GNG10: variants seen among roughly 807,000 people sequenced by gnomAD.
The protein encoded by GNG10 is guanine nucleotide-binding protein G(I)/G(S)/G(O) subunit gamma-10.
In GNG10, 7 loss-of-function variants were observed where a neutral mutation model predicts 6.8. The ratio of observed to expected loss-of-function variants is 1.02; its 90% CI spans 0.58 to 1.92. GNG10 has a LOEUF of 1.92. Ranked by LOEUF, GNG10 falls within the 30% of genes most tolerant of loss-of-function variation. The pLI is 0.00. For missense variants in GNG10, 57 were observed against 86.1 expected (o/e 0.66, Z 1.34); for synonymous variants, 28 against 34.8 (o/e 0.80, Z 0.69).
intron 2 of GNG10, among the ~76,000 whole-genome samples, chr9:111,667,733 C>T (rs558863507): frequency 5.3e-5 from 8 of 152,120 alleles, no homozygotes; most frequent in Non-Finnish European, 1.2e-4. Context: ...AGAAATATAG[C>T]TATTGGGAAA....
At position 111,661,846 on chromosome 9, in the gene GNG10, G is replaced by T; in HGVS notation, c.81+131G>T. On this transcript the variant is annotated intron_variant, in intron 1 of 2. Transcript: ENST00000374293. The surrounding 1 kb of genome is among the most constrained non-coding windows in gnomAD (Gnocchi z 6.1). ...CGAGGCCTCGGCGGGGCGCGGGGGC[G>T]GTGGGGTCCGCGGTGAGGGAGGGCG... 1 of 348,350 alleles carries T rather than the reference G, an allele frequency of 2.9e-6. No homozygotes were observed. Among genetic ancestry groups the T allele is most frequent in the Non-Finnish European group, 4.5e-6 (1 of 219,924 alleles). The allele number at this position is 348,350 out of a possible 1,614,324, so 21.6% of individuals were successfully genotyped here.
At chr9:111,663,195 G>A (rs2131279133) in intron 1 of GNG10, among the ~76,000 whole-genome samples, 1 of 152,296 alleles carries the variant, frequency 6.6e-6, no homozygotes, top group Admixed American at 6.5e-5. Flanking sequence ...TAAGGGAGTG[G>A]CCCCTGAGCA....
At chr9:111,666,990 C>T in intron 2 of GNG10, 44 bp downstream of exon 2, 1 of 1,597,486 alleles carries the variant, frequency 6.3e-7, no homozygotes, top group South Asian at 1.1e-5. Flanking sequence ...ATAGCATTAT[C>T]ACAGGGCTTC....
At chr9:111,663,549 A>G (rs1260239175) in intron 1 of GNG10, among the ~76,000 whole-genome samples, 1 of 151,804 alleles carries the variant, frequency 6.6e-6, no homozygotes, top group Non-Finnish European at 1.5e-5. Context: ...AGGAAGAATA[A>G]AGGAGGCAGC....
In GNG10 at chr9:111,661,693, A is replaced by G. The variant is rs1830820415; in HGVS notation, c.59A>G (p.Glu20Gly). 1.4e-6 allele frequency: 2 copies of G among 1,382,138 alleles called. No individual in the cohort carries two copies. Among genetic ancestry groups the G allele is most frequent in the South Asian group, 2.9e-5 (2 of 68,272 alleles). 85.6% of individuals were successfully genotyped at this position (1,382,138 alleles called of 1,614,324 possible). The change falls in exon 1 of 3, where the codon GAG becomes GGG. Residue 20 changes from glutamate to glycine, a missense_variant. Physicochemically the swap from Glu to Gly is moderately conservative, Grantham distance 98 (BLOSUM62 -2). Coordinates refer to ENST00000374293, the MANE Select transcript of GNG10 (RefSeq NM_001017998.4). This position sits in a 1 kb window ranked among gnomAD's most constrained non-coding sequence, Gnocchi z 6.1. ...LQRLVEQLKLEAGVERIKVSQ... is the reference protein window; with the variant it reads ...LQRLVEQLKLGAGVERIKVSQ... ...CGCTTGGTAGAGCAGCTCAAGTTGG[A>G]GGCTGGCGTGGAGAGGATCAAGGTG...
At chr9:111,665,893 A>ATT (rs571066443) in intron 1 of GNG10, among the ~76,000 whole-genome samples, 4,852 of 121,812 alleles carry the variant, frequency 0.04, 294 homozygotes, top group African/African-American at 0.12. Context: ...CACCCGGTTA[A>ATT]TTTTTTTTTT....
At chr9:111,664,262 CTCATGGAAGTATGA>C (rs1467533856) in intron 1 of GNG10, among the ~76,000 whole-genome samples, 1 of 152,156 alleles carries the variant, frequency 6.6e-6, no homozygotes, top group Non-Finnish European at 1.5e-5. Context: ...AAGAGGTGCG[CTCATGGAAGTATGA>C]TCTGGGGTAC....
At chr9:111,662,595 A>C (rs1388074392) in intron 1 of GNG10, among the ~76,000 whole-genome samples, 1 of 152,236 alleles carries the variant, frequency 6.6e-6, no homozygotes, top group Non-Finnish European at 1.5e-5. Flanking sequence ...TATTTGCAGA[A>C]GATCTGTAAG....
chr9:111,665,893 A>ATTTT (rs571066443), intron 1 of GNG10, among the ~76,000 whole-genome samples: 45 of 121,860 alleles, frequency 3.7e-4, no homozygotes, highest in African/African-American at 1.4e-3. Context: ...CACCCGGTTA[A>ATTTT]TTTTTTTTTT....
rs1474729722 is a variant in GNG10, at chr9:111,666,847, C to A, written c.114C>A (p.Tyr38Ter). Residue 38 changes from tyrosine to a stop codon, truncating the protein, a stop_gained, in exon 2 of 3, where the codon TAC becomes TAA. Coordinates refer to ENST00000374293, the MANE Select transcript of GNG10 (RefSeq NM_001017998.4). LOFTEE classifies it high-confidence loss of function. ...VSQAAAELQQ[Y>*]CMQNACKDAL... ...AGGCAGCTGCAGAGCTTCAACAGTACTGTATGCAGAATGCCTGCAAGGATG... is the reference window on the plus strand; with the variant it reads ...AGGCAGCTGCAGAGCTTCAACAGTAATGTATGCAGAATGCCTGCAAGGATG... The A allele has an allele frequency of 6.2e-7, 1 of 1,613,456 alleles. No individual in the cohort carries two copies. The highest frequency in any genetic ancestry group is 8.5e-7 in the Non-Finnish European group (1 of 1,179,850).
chr9:111,662,022 C>A (rs1218900596), intron 1 of GNG10, among the ~76,000 whole-genome samples: 1 of 151,546 alleles, frequency 6.6e-6, no homozygotes, highest in African/African-American at 2.4e-5. Flanking sequence ...CGGCGACGCG[C>A]GGGCCGGGAG....
At chr9:111,667,875 G>A (rs962219059) in intron 2 of GNG10, among the ~76,000 whole-genome samples, 6 of 151,892 alleles carry the variant, frequency 4.0e-5, no homozygotes, top group African/African-American at 7.3e-5. Context: ...CCCCCTCATC[G>A]CCGAGACATC....
At chr9:111,668,362 A>G (rs1437700507) in intron 2 of GNG10, among the ~76,000 whole-genome samples, 1 of 151,998 alleles carries the variant, frequency 6.6e-6, no homozygotes, top group Middle Eastern at 3.2e-3. Flanking sequence ...AAATGTTCAT[A>G]TTTATGGTGT....
chr9:111,666,915 A>G lies in GNG10; in HGVS notation c.182A>G (p.Glu61Gly). The change falls in exon 2 of 3, where the codon GAG becomes GGG. Residue 61 changes from glutamate to glycine, a missense_variant. Glu to Gly is a moderately conservative substitution (Grantham distance 98). Coordinates refer to ENST00000374293, the MANE Select transcript of GNG10 (RefSeq NM_001017998.4). ...CCAGCTGGAAGTAACCCCTTCCGGG[A>G]GCCTAGATCCTGTGCTTTACTCTGA... The part of the protein sequence containing the change: ...GVPAGSNPFR[E>G]PRSCALL 1.2e-6 allele frequency: 2 copies of G among 1,614,052 alleles called. No individual in the cohort carries two copies. The highest frequency in any genetic ancestry group is 1.7e-6 in the Non-Finnish European group (2 of 1,179,984).
Position 111,666,375 on chromosome 9 carries a change from C to T in GNG10, c.82-440C>T, listed in dbSNP as rs149485842. On this transcript the variant is annotated intron_variant, in intron 1 of 2. Coordinates refer to ENST00000374293, the MANE Select transcript of GNG10 (RefSeq NM_001017998.4). ...AAGCTATACCGCCTCAAAAGCAAGGCGGAAGAACTTTATCACTTGTTTGGA... is the reference window on the plus strand; with the variant it reads ...AAGCTATACCGCCTCAAAAGCAAGGTGGAAGAACTTTATCACTTGTTTGGA... Among the ~76,000 whole-genome samples the T allele has an allele frequency of 4.5e-4, 68 of 152,200 alleles. 2 individuals are homozygous for T. The East Asian group carries it at 0.01, about 23-fold the overall frequency.
intron 1 of GNG10, among the ~76,000 whole-genome samples, chr9:111,665,189 G>A (rs921335169): frequency 3.3e-5 from 5 of 151,446 alleles, no homozygotes; most frequent in Non-Finnish European, 7.4e-5. Flanking sequence ...AACCATTTTT[G>A]TACAATATGG....
intron 1 of GNG10, 29 bp from the exon 2 acceptor site, chr9:111,666,786 G>T: frequency 6.2e-7 from 1 of 1,606,820 alleles, no homozygotes; most frequent in Non-Finnish European, 8.5e-7. Context: ...CTGTGAGCAG[G>T]GTGCCATGTT....
At position 111,661,774 on chromosome 9, in the gene GNG10, G is replaced by GGCCGGCGGCCCGGACCGGGC. The variant is rs2069645424; in HGVS notation, c.81+63_81+82dup. 2 of 1,071,272 alleles carry GGCCGGCGGCCCGGACCGGGC rather than the reference G, an allele frequency of 1.9e-6. No homozygotes were observed. Among genetic ancestry groups the GGCCGGCGGCCCGGACCGGGC allele is most frequent in the African/African-American group, 3.4e-5 (2 of 59,240 alleles). 66.4% of individuals were successfully genotyped at this position (1,071,272 alleles called of 1,614,324 possible). The stretch of plus-strand genomic sequence containing the variant: ...CCGCCCGCGGGGCGTGAGAAGAGGA[G>GGCCGGCGGCCCGGACCGGGC]GCCGGCGGCCCGGACCGGGCGCCAG... On this transcript the variant is annotated intron_variant, in intron 1 of 2. Coordinates refer to ENST00000374293, the MANE Select transcript of GNG10 (RefSeq NM_001017998.4). This position sits in a 1 kb window ranked among gnomAD's most constrained non-coding sequence, Gnocchi z 6.1.
chr9:111,668,428 TCCCTC>T (rs35251271), intron 2 of GNG10, among the ~76,000 whole-genome samples: 63,196 of 119,542 alleles, frequency 0.53, 17,253 homozygotes, highest in African/African-American at 0.7. Context: ...GCTTCCTTCT[TCCCTC>T]CCCTCCCCTC....
Sources: gnomAD v4.1 joint callset for allele counts (sites outside exome capture counted in the v4.1 genomes callset) on GRCh38, gnomAD v4.1.1 for gene constraint, Gnocchi (gnomAD v3.1) non-coding constraint, MANE v1.5 for transcripts, NCBI Gene and HGNC (gene_info 2026-07-23, HGNC 2026-07-21) for gene names.